Variants in CPLANE1 observed in about 807,000 individuals in gnomAD.
CPLANE1 encodes ciliogenesis and planar polarity effector complex subunit 1.
In CPLANE1, 263 loss-of-function variants were observed where a neutral mutation model predicts 362.5. That is an observed-to-expected ratio of 0.73 (90% CI 0.66 to 0.80). The LOEUF (loss-of-function observed/expected upper bound fraction) is 0.80. Ranked by LOEUF, CPLANE1 falls within the 30% of genes least tolerant of loss-of-function variation. The probability of loss-of-function intolerance (pLI) is 0.00; values close to 1 mark genes in which losing one functional copy is unlikely to be tolerated. For missense variants in CPLANE1, 3,461 were observed against 3,793.4 expected (o/e 0.91, Z 2.30); for synonymous variants, 1,212 against 1,302.6 (o/e 0.93, Z 1.50).
intron 42 of CPLANE1, 102 bp downstream of exon 42, chr5:37,153,638 A>G (rs936938605): frequency 7.3e-6 from 9 of 1,229,618 alleles, no homozygotes; most frequent in Admixed American, 2.4e-5. Flanking sequence ...TAAAGAAAAC[A>G]AAGTTCTCAT....
chr5:37,078,103 A>G, the CPLANE1 span, among the ~76,000 whole-genome samples: 1 of 151,852 alleles, frequency 6.6e-6, no homozygotes, highest in South Asian at 2.1e-4. Flanking sequence ...GGTTTGTTAC[A>G]TAGGTAAATG....
the CPLANE1 span, chr5:37,085,577 C>A: frequency 1.2e-6 from 1 of 856,358 alleles, no homozygotes; most frequent in Non-Finnish European, 2.1e-6. Context: ...TCATCAAGTT[C>A]AACACTGGTA....
Position 37,184,784 on chromosome 5 carries a change from G to C in CPLANE1, c.4481+4C>G, listed in dbSNP as rs769785905. ...TGCCAGTGATTAAAAGATCTCAATT[G>C]TACCTTTGATAGATATTTATCCTAC... On this transcript the variant is annotated splice_donor_region_variant and intron_variant, in intron 25 of 52. Transcript: ENST00000651892. 5 of 1,604,862 alleles carry C rather than the reference G, an allele frequency of 3.1e-6. No individual in the cohort carries two copies. Among genetic ancestry groups the C allele is most frequent in the Non-Finnish European group, 4.3e-6 (5 of 1,176,000 alleles).
At chr5:37,201,517 T>C (rs1320286606) in intron 19 of CPLANE1, 74 bp downstream of exon 19, 3 of 1,244,220 alleles carry the variant, frequency 2.4e-6, no homozygotes, top group South Asian at 1.4e-5. Context: ...TGATGATTAT[T>C]ATCAAGTTAA....
At chr5:37,118,823 C>G (rs1761813247) in intron 50 of CPLANE1, among the ~76,000 whole-genome samples, 1 of 151,698 alleles carries the variant, frequency 6.6e-6, no homozygotes. Flanking sequence ...AAGCAATTCT[C>G]CTGCCTCAGC....
At chr5:37,244,146 G>A (rs189871436) in intron 5 of CPLANE1, among the ~76,000 whole-genome samples, 128 of 152,104 alleles carry the variant, frequency 8.4e-4, no homozygotes, top group Non-Finnish European at 1.5e-3. Context: ...CACCGCGCCC[G>A]GCATAACAAG....
At chr5:37,109,680 C>T (rs184219841) in intron 51 of CPLANE1, among the ~76,000 whole-genome samples, 49 of 152,240 alleles carry the variant, frequency 3.2e-4, no homozygotes, top group South Asian at 1.2e-3. Context: ...TTTTTTGAGA[C>T]GGAATCTCAC....
intron 15 of CPLANE1, among the ~76,000 whole-genome samples, chr5:37,220,205 C>G (rs1316669420): frequency 6.6e-6 from 1 of 151,490 alleles, no homozygotes; most frequent in African/African-American, 2.4e-5. Flanking sequence ...AAGCTAAGAT[C>G]ACTCAACCAC....
At chr5:37,101,701 T>C (rs1261632295), downstream of CPLANE1, among the ~76,000 whole-genome samples, 1 of 152,220 alleles carries the variant, frequency 6.6e-6, no homozygotes, top group Non-Finnish European at 1.5e-5. Flanking sequence ...GTACCTCTGA[T>C]ACAATTCAGC....
At chr5:37,080,133 C>T in the CPLANE1 span, among the ~76,000 whole-genome samples, 3 of 152,202 alleles carry the variant, frequency 2.0e-5, no homozygotes, top group Non-Finnish European at 4.4e-5. Context: ...ACCTGACTAG[C>T]TTACCTGCCT....
At chr5:37,178,863 A>G (rs1203397513) in intron 29 of CPLANE1, among the ~76,000 whole-genome samples, 1 of 152,044 alleles carries the variant, frequency 6.6e-6, no homozygotes, top group Non-Finnish European at 1.5e-5. Context: ...GAGTCAAATG[A>G]TCCTCTCACC....
At chr5:37,203,366 G>C (rs1789762622) in intron 18 of CPLANE1, among the ~76,000 whole-genome samples, 1 of 152,112 alleles carries the variant, frequency 6.6e-6, no homozygotes, top group Non-Finnish European at 1.5e-5. Flanking sequence ...CAAGTTATCA[G>C]CAATTTGTTC....
chr5:37,172,044 T>G (rs1161427896), intron 32 of CPLANE1, among the ~76,000 whole-genome samples: 3 of 152,122 alleles, frequency 2.0e-5, no homozygotes. Context: ...ACTCCTGGCC[T>G]CAAGCAATCC....
At chr5:37,094,379 G>A in the CPLANE1 span, among the ~76,000 whole-genome samples, 1 of 152,128 alleles carries the variant, frequency 6.6e-6, no homozygotes, top group African/African-American at 2.4e-5. Flanking sequence ...ATAATTCTTT[G>A]AACTGAATGA....
chr5:37,185,685 T>C (rs1173309589), intron 24 of CPLANE1, among the ~76,000 whole-genome samples: 2 of 152,162 alleles, frequency 1.3e-5, no homozygotes, highest in African/African-American at 2.4e-5. Context: ...TGGACTTAAA[T>C]ACTGAATTAT....
intron 46 of CPLANE1, among the ~76,000 whole-genome samples, chr5:37,136,855 C>T (rs1767871880): frequency 2.0e-5 from 3 of 152,222 alleles, no homozygotes; most frequent in African/African-American, 7.2e-5. Flanking sequence ...TGCAGGGCAC[C>T]AAGTCCCTAG....
Position 37,167,145 on chromosome 5 carries a change from T to C in CPLANE1, c.7302A>G (p.Thr2434=). 4.3e-6 allele frequency: 7 copies of C among 1,613,490 alleles called. No individual in the cohort carries two copies. Among genetic ancestry groups the C allele is most frequent in the Admixed American group, 1.7e-5 (1 of 59,930 alleles). Residue 2434 remains threonine, a synonymous_variant, in exon 35 of 53, where the codon ACA becomes ACG. Transcript: ENST00000651892. ...CATCACCTTGTTCAAATAAATTATG[T>C]GTTAGTTTCTGTTGGCTTTGTTTAA... ...IAFKQSQQKL[T]HNLFEQGDAG...
In CPLANE1 at chr5:37,153,827, G is replaced by A. The variant is rs114126795; in HGVS notation, c.8286C>T (p.Asp2762=). Residue 2762 remains aspartate (D), a synonymous_variant, in exon 42 of 53, where the codon GAC becomes GAT. Transcript: ENST00000651892. The part of the protein sequence containing the change: ...EHLSAKLQKI[D]EQLLAIQNIA... ...TGTTCTGTATTGCTAGCAACTGCTCGTCAATTTTCTGAAGCTTAGCACTGA... is the reference window on the plus strand; with the variant it reads ...TGTTCTGTATTGCTAGCAACTGCTCATCAATTTTCTGAAGCTTAGCACTGA... 7.7e-3 allele frequency: 12,386 copies of A among 1,614,050 alleles called. 89 individuals carry two copies. The highest frequency in any genetic ancestry group is 0.013 in the South Asian group (1,224 of 91,074).
chr5:37,239,954 CAT>C, intron 6 of CPLANE1, 85 bp from the exon 7 acceptor site: 1 of 960,196 alleles, frequency 1.0e-6, no homozygotes, highest in Non-Finnish European at 1.5e-6. Flanking sequence ...TTAAAGGATC[CAT>C]CCAAATTCCT....
Sources: gnomAD v4.1 joint callset for allele counts (sites outside exome capture counted in the v4.1 genomes callset) on GRCh38, gnomAD v4.1.1 for gene constraint, MANE v1.5 for transcripts, NCBI Gene and HGNC (gene_info 2026-07-23, HGNC 2026-07-21) for gene names.